The following SV2C variants were observed in gnomAD, a reference collection of about 807,000 sequenced individuals.
SV2C encodes the protein solute carrier family 22 member B3.
SV2C carries 49 observed loss-of-function variants against 79.7 expected under a neutral mutation model. The ratio of observed to expected loss-of-function variants is 0.61; its 90% CI spans 0.49 to 0.78. The LOEUF (loss-of-function observed/expected upper bound fraction) is 0.78, where lower values mean the gene tolerates loss of function less well. SV2C is among the 30% of genes least tolerant of loss of function. The pLI is 0.00. For synonymous variants in SV2C, 334 were observed against 333.2 expected, an observed-to-expected ratio of 1.00 and a Z score of -0.03; for missense variants, 833 against 912.9, an observed-to-expected ratio of 0.91 and a Z score of 1.13.
At chr5:75,919,599 A>C in the SV2C span, among the ~76,000 whole-genome samples, 1 of 152,194 alleles carries the variant, frequency 6.6e-6, no homozygotes, top group African/African-American at 2.4e-5. Context: ...ATCCTAAATT[A>C]TTTTATCATA....
chr5:76,108,793 A>T lies in SV2C; in HGVS notation c.-101-22857A>T, dbSNP rs995437969. Reference sequence around the variant, plus strand: ...CCACCCTAAAGCAAATGGCGATAACATGTTAGTTTCATTAACTGTGGTGAA... The same window carrying T: ...CCACCCTAAAGCAAATGGCGATAACTTGTTAGTTTCATTAACTGTGGTGAA... On this transcript the variant is annotated intron_variant, in intron 1 of 12. Transcript: ENST00000502798. Among the ~76,000 whole-genome samples the T allele has an allele frequency of 4.6e-5, 7 of 152,218 alleles. No individual in the cohort carries two copies. The East Asian group carries it at 1.2e-3, about 25-fold the overall frequency.
chr5:76,135,330 T>C (rs2112195325), intron 2 of SV2C, among the ~76,000 whole-genome samples: 1 of 152,324 alleles, frequency 6.6e-6, no homozygotes. Flanking sequence ...TGAGCTGAAA[T>C]GCCCAGAGAT....
chr5:76,043,340 C>T, the SV2C span, among the ~76,000 whole-genome samples: 1 of 152,146 alleles, frequency 6.6e-6, no homozygotes, highest in African/African-American at 2.4e-5. Context: ...ATATCACTTC[C>T]AAGGTTAAGG....
intron 2 of SV2C, among the ~76,000 whole-genome samples, chr5:76,145,628 T>C (rs1287939293): frequency 6.6e-6 from 1 of 152,116 alleles, no homozygotes; most frequent in Non-Finnish European, 1.5e-5. Context: ...AATATGAACA[T>C]GGCATGGCAC....
intron 1 of SV2C, among the ~76,000 whole-genome samples, chr5:76,131,222 A>T (rs748739934): frequency 6.6e-5 from 10 of 152,154 alleles, no homozygotes; most frequent in Non-Finnish European, 1.3e-4. Flanking sequence ...GCCCAGTAGG[A>T]TTCTTCTAAT....
At chr5:76,221,978 A>G (rs1401227706) in intron 4 of SV2C, among the ~76,000 whole-genome samples, 2 of 152,222 alleles carry the variant, frequency 1.3e-5, no homozygotes, top group Non-Finnish European at 2.9e-5. Flanking sequence ...AATCGTGAAT[A>G]CATTTTATAG....
the SV2C span, among the ~76,000 whole-genome samples, chr5:76,024,812 T>A: frequency 6.6e-6 from 1 of 152,080 alleles, no homozygotes; most frequent in African/African-American, 2.4e-5. Flanking sequence ...TGCAGGTTTT[T>A]AATCTGGGAA....
the SV2C span, among the ~76,000 whole-genome samples, chr5:75,883,680 AC>A: frequency 1.2e-4 from 12 of 103,140 alleles, no homozygotes; most frequent in Admixed American, 5.7e-4. Context: ...CACTCTGGGG[AC>A]TGTTGTGGGG....
chr5:76,140,579 C>A (rs1027476684), intron 2 of SV2C, among the ~76,000 whole-genome samples: 1 of 152,116 alleles, frequency 6.6e-6, no homozygotes, highest in African/African-American at 2.4e-5. Flanking sequence ...GACTGGCTCA[C>A]GGTGCATTGA....
the SV2C span, among the ~76,000 whole-genome samples, chr5:76,063,262 G>C: frequency 6.6e-6 from 1 of 152,060 alleles, no homozygotes; most frequent in African/African-American, 2.4e-5. Context: ...CCTACATTTT[G>C]TGTCCCACCT....
At chr5:76,023,674 A>G in the SV2C span, among the ~76,000 whole-genome samples, 8 of 133,222 alleles carry the variant, frequency 6.0e-5, no homozygotes, top group African/African-American at 9.6e-5. Context: ...ATATATATGT[A>G]TGTGTGTGTG....
chr5:76,287,899 AC>A (rs2112499708), intron 6 of SV2C, among the ~76,000 whole-genome samples: 1 of 152,282 alleles, frequency 6.6e-6, no homozygotes, highest in South Asian at 2.1e-4. Context: ...ATCCTGGCCA[AC>A]AAGGTGAAAC....
intron 12 of SV2C, among the ~76,000 whole-genome samples, chr5:76,303,351 G>C (rs246815): frequency 0.096 from 14,643 of 152,246 alleles, 738 homozygotes; most frequent in Admixed American, 0.14. Context: ...CTCTCATTCT[G>C]CAAACAGAGC....
chr5:76,300,972 T>G, intron 11 of SV2C, 40 bp downstream of exon 11: 1 of 1,607,840 alleles, frequency 6.2e-7, no homozygotes, highest in Non-Finnish European at 8.5e-7. Flanking sequence ...GAGCTGCCCC[T>G]GCAATCCAGA....
chr5:76,222,631 T>G (rs1031363832), intron 4 of SV2C, among the ~76,000 whole-genome samples: 8 of 152,242 alleles, frequency 5.3e-5, no homozygotes, highest in African/African-American at 1.9e-4. Flanking sequence ...CGATGTTGTC[T>G]ATAGTTATGT....
intron 2 of SV2C, among the ~76,000 whole-genome samples, chr5:76,182,643 G>A (rs928353209): frequency 6.6e-6 from 1 of 152,186 alleles, no homozygotes; most frequent in Admixed American, 6.5e-5. Flanking sequence ...TGAGAGTGAG[G>A]CTCCTTAAAT....
intron 2 of SV2C, among the ~76,000 whole-genome samples, chr5:76,179,241 A>G (rs1244856912): frequency 6.6e-6 from 1 of 152,226 alleles, no homozygotes; most frequent in Non-Finnish European, 1.5e-5. Flanking sequence ...TATATGATTA[A>G]TTGAATGAGG....
chr5:76,290,641 T>G (rs1747531193), intron 6 of SV2C, among the ~76,000 whole-genome samples: 1 of 152,184 alleles, frequency 6.6e-6, no homozygotes, highest in Non-Finnish European at 1.5e-5. Context: ...GAGAAATTCA[T>G]GTTGATGCTT....
At position 76,252,369 on chromosome 5, in the gene SV2C, G is replaced by A. The variant is rs181558366; in HGVS notation, c.914-32793G>A. 4.7e-3 allele frequency among the ~76,000 whole-genome samples: 721 copies of A among 152,194 alleles called. 9 individuals are homozygous for A. The highest frequency in any genetic ancestry group is 0.017 in the African/African-American group (702 of 41,514). ...CTCCTGACCTCAGGTGATCCTACCC[G>A]CCTTGGCCTCCCAAAGTGCTGGGAT... On this transcript the variant is annotated intron_variant, in intron 4 of 12. Coordinates refer to ENST00000502798, the MANE Select transcript of SV2C (RefSeq NM_014979.4).
Sources: gnomAD v4.1 joint callset for allele counts (sites outside exome capture counted in the v4.1 genomes callset) on GRCh38, gnomAD v4.1.1 for gene constraint, MANE v1.5 for transcripts, NCBI Gene and HGNC (gene_info 2026-07-23, HGNC 2026-07-21) for gene names.